The following UBAP2 variants were observed in gnomAD, a reference collection of about 807,000 sequenced individuals.
UBAP2 encodes ubiquitin-associated protein 2.
Under a neutral mutation model 139.6 loss-of-function variants are expected in UBAP2, and 75 were observed. That is an observed-to-expected ratio of 0.54 (90% CI 0.45 to 0.65). The LOEUF (loss-of-function observed/expected upper bound fraction) is 0.65. Among genes scored for constraint, UBAP2 ranks in the 30% least tolerant of loss-of-function variants. UBAP2 has a pLI of 0.00. For missense variants in UBAP2, 1,368 were observed against 1,369.6 expected (o/e 1.00, Z 0.02); for synonymous variants, 526 against 526.2 (o/e 1.00, Z 0.01).
intron 16 of UBAP2, 27 bp from the exon 17 acceptor site, chr9:33,935,905 A>G (rs1587521161): frequency 1.2e-6 from 2 of 1,603,368 alleles, no homozygotes; most frequent in Non-Finnish European, 1.7e-6. Flanking sequence ...AGAAGAGAAT[A>G]TAAACTTACA....
Position 34,017,169 on chromosome 9 carries a change from TG to T in UBAP2, c.-22del. On this transcript the variant is annotated 5_prime_UTR_variant, in exon 2 of 29. Coordinates refer to ENST00000379238, the MANE Select transcript of UBAP2 (RefSeq NM_001370062.2). The stretch of plus-strand genomic sequence containing the variant: ...ATCATATACAGTATATACAAAATAA[TG>T]TATGTACAAAATAGAAAATCTGCAA... The T allele has an allele frequency of 1.3e-6, 2 of 1,523,148 alleles. No homozygotes were observed. The highest frequency in any genetic ancestry group is 1.8e-6 in the Non-Finnish European group (2 of 1,130,724). 94.4% of individuals were successfully genotyped at this position (1,523,148 alleles called of 1,614,324 possible).
chr9:34,038,749 C>G (rs1218264151), intron 1 of UBAP2, among the ~76,000 whole-genome samples: 1 of 150,976 alleles, frequency 6.6e-6, no homozygotes, highest in African/African-American at 2.4e-5. Flanking sequence ...CGCCCATCGT[C>G]TGGGATGTGA....
chr9:34,039,015 T>C lies in UBAP2; in HGVS notation c.-42+9810A>G, dbSNP rs1826760391. ...GGAGCGTCTCTGCCCGGCCGACCCG[T>C]CTGAGAAGTGAGGAGCCCCTCCGCC... is the stretch of plus-strand genomic sequence containing the variant. On this transcript the variant is annotated intron_variant, in intron 1 of 28. Coordinates refer to ENST00000379238, the MANE Select transcript of UBAP2 (RefSeq NM_001370062.2). Among the ~76,000 whole-genome samples, 3 of 144,290 alleles carry C rather than the reference T, an allele frequency of 2.1e-5. No individual in the cohort carries two copies. The South Asian group carries it at 6.8e-4, about 33-fold the overall frequency. 94.7% of individuals were successfully genotyped at this position (144,290 alleles called of 152,430 possible).
intron 1 of UBAP2, among the ~76,000 whole-genome samples, chr9:34,031,865 G>A (rs1825921639): frequency 6.6e-6 from 1 of 152,102 alleles, no homozygotes; most frequent in African/African-American, 2.4e-5. Flanking sequence ...GGCCAGGTGT[G>A]GTGGTTCATG....
intron 6 of UBAP2, among the ~76,000 whole-genome samples, chr9:33,977,398 T>C (rs1024641050): frequency 1.4e-4 from 22 of 152,162 alleles, no homozygotes; most frequent in Non-Finnish European, 2.6e-4. Flanking sequence ...TCTAGCAAGA[T>C]AATAGAATTA....
At chr9:33,944,924 TA>T (rs901775402) in intron 13 of UBAP2, among the ~76,000 whole-genome samples, 1 of 152,180 alleles carries the variant, frequency 6.6e-6, no homozygotes, top group Non-Finnish European at 1.5e-5. Flanking sequence ...GACCATTAGC[TA>T]ACAGAGAATC....
chr9:33,993,386 A>T (rs935299217), intron 4 of UBAP2, among the ~76,000 whole-genome samples: 2 of 152,258 alleles, frequency 1.3e-5, no homozygotes, highest in Admixed American at 1.3e-4. Context: ...GATGGCAACT[A>T]GGTAAGAGAT....
At chr9:34,008,987 A>AG (rs1823497922) in intron 2 of UBAP2, among the ~76,000 whole-genome samples, 1 of 133,944 alleles carries the variant, frequency 7.5e-6, no homozygotes, top group African/African-American at 2.7e-5. Flanking sequence ...AAAAAAAAAA[A>AG]GTTAACATTT....
chr9:33,991,439 G>T lies in UBAP2; in HGVS notation c.289-2313C>A, dbSNP rs377647920. Among the ~76,000 whole-genome samples the T allele has an allele frequency of 3.7e-3, 561 of 152,290 alleles. 2 individuals are homozygous for T. The highest frequency in any genetic ancestry group is 6.8e-3 in the Middle Eastern group (2 of 294). ...TAAGTAGTCTAGTGTATCCATAAAT[G>T]GAGCAGTATGTAGCCATTTTACCAG... On this transcript the variant is annotated intron_variant, in intron 4 of 28. Coordinates refer to ENST00000379238, the MANE Select transcript of UBAP2 (RefSeq NM_001370062.2).
At chr9:34,038,147 A>G (rs1826621743) in intron 1 of UBAP2, among the ~76,000 whole-genome samples, 1 of 3,964 alleles carries the variant, frequency 2.5e-4, no homozygotes, top group Non-Finnish European at 8.0e-4. Flanking sequence ...GCCTGGGAAA[A>G]AAAAAAAAAA....
At position 33,922,412 on chromosome 9, in the gene UBAP2, C is replaced by G. The variant is rs1361701273; in HGVS notation, c.*92G>C. The G allele has an allele frequency of 1.5e-6, 2 of 1,303,922 alleles. No homozygotes were observed. Among genetic ancestry groups the G allele is most frequent in the African/African-American group, 1.5e-5 (1 of 68,220 alleles). The allele number at this position is 1,303,922 out of a possible 1,614,324, so 80.8% of individuals were successfully genotyped here. On this transcript the variant is annotated 3_prime_UTR_variant, in exon 29 of 29. Transcript: ENST00000379238. ...GCATGGCTGACACATGTCGGGAATT[C>G]TAGGAAAGGGCACTGGGCTCCCAAA...
chr9:33,922,659 G>T, intron 28 of UBAP2, 28 bp downstream of exon 28: 1 of 1,580,528 alleles, frequency 6.3e-7, no homozygotes, highest in Non-Finnish European at 8.6e-7. Flanking sequence ...GCCCAGAGTA[G>T]GGTGGCTGCC....
chr9:33,991,215 G>A (rs1262525318), intron 4 of UBAP2, among the ~76,000 whole-genome samples: 2 of 152,224 alleles, frequency 1.3e-5, no homozygotes, highest in African/African-American at 4.8e-5. Context: ...GAACCTAGAA[G>A]GCTTGAACCT....
intron 1 of UBAP2, among the ~76,000 whole-genome samples, chr9:34,031,045 G>C (rs1048313511): frequency 1.3e-5 from 2 of 152,150 alleles, no homozygotes; most frequent in African/African-American, 4.8e-5. Flanking sequence ...AGGGTTTCAA[G>C]ACTAGCCTGG....
At position 33,960,618 on chromosome 9, in the gene UBAP2, A is replaced by C. The variant is rs571107903; in HGVS notation, c.798+208T>G. Reference sequence around the variant, plus strand: ...TGGTGAAACATCGTCTCTACTAAAAAAAAAATACAAAATTAGCCAGGCATG... The same window carrying C: ...TGGTGAAACATCGTCTCTACTAAAACAAAAATACAAAATTAGCCAGGCATG... On this transcript the variant is annotated intron_variant, in intron 10 of 28. Transcript: ENST00000379238. 3.3e-5 allele frequency among the ~76,000 whole-genome samples: 5 copies of C among 152,194 alleles called. No individual in the cohort carries two copies. The East Asian group carries it at 9.7e-4, about 29-fold the overall frequency.
rs1415838316 is a variant in UBAP2 at position 33,921,908 on chromosome 9, AG to A, written c.*595del. The stretch of plus-strand genomic sequence containing the variant: ...TCTCTAGGGACATGACCAGACCAGA[AG>A]CCCCTGTTCTATATGAAGACAAACA... On this transcript the variant is annotated 3_prime_UTR_variant, in exon 29 of 29. Coordinates refer to ENST00000379238, the MANE Select transcript of UBAP2 (RefSeq NM_001370062.2). The A allele has an allele frequency of 6.6e-6, 1 of 152,314 alleles. No individual in the cohort carries two copies. The highest frequency in any genetic ancestry group is 1.5e-5 in the Non-Finnish European group (1 of 68,140). 9.4% of individuals were successfully genotyped at this position (152,314 alleles called of 1,614,324 possible).
At chr9:33,972,441 A>T (rs1827984608) in intron 7 of UBAP2, among the ~76,000 whole-genome samples, 1 of 152,210 alleles carries the variant, frequency 6.6e-6, no homozygotes, top group Admixed American at 6.5e-5. Context: ...TCCTCAAAGG[A>T]GCTTAGGCAG....
At chr9:33,932,220 T>C (rs1824042518) in intron 19 of UBAP2, among the ~76,000 whole-genome samples, 1 of 152,118 alleles carries the variant, frequency 6.6e-6, no homozygotes. Context: ...TCTCCAACAT[T>C]GACCTTCTTG....
rs1727949715 is a variant in UBAP2 at position 33,921,836 on chromosome 9, ACT to A, written c.*666_*667del. On this transcript the variant is annotated 3_prime_UTR_variant, in exon 29 of 29. Transcript: ENST00000379238. ...TAAAGGGGAGCTGACTGGCTGAATA[ACT>A]CAGATTATTTTTTTTTTTTTCATGG... 1 of 150,280 alleles carries A rather than the reference ACT, an allele frequency of 6.7e-6. No homozygotes were observed. The highest frequency in any genetic ancestry group is 6.6e-5 in the Admixed American group (1 of 15,116). The allele number at this position is 150,280 out of a possible 1,614,324, so 9.3% of individuals were successfully genotyped here. A position where few individuals can be genotyped will look rare whatever the true frequency, so the allele number is the denominator to read the frequency against.
Sources: allele counts gnomAD v4.1 joint callset (sites outside exome capture counted in the v4.1 genomes callset), GRCh38; gene constraint gnomAD v4.1.1; transcripts MANE v1.5; gene names NCBI Gene and HGNC (gene_info 2026-07-23, HGNC 2026-07-21).